The following OR7C1 variants were observed in gnomAD, a reference collection of about 807,000 sequenced individuals.
The protein encoded by OR7C1 is olfactory receptor family 7 subfamily C member 1.
For synonymous variants in OR7C1, 152 were observed against 160.7 expected (o/e 0.95, Z 0.41); for missense variants, 324 against 383.3 (o/e 0.85, Z 1.29).
At position 14,806,264 on chromosome 19, in the gene OR7C1, G is replaced by T. The variant is rs8103004; in HGVS notation, c.-435+3542C>A. Among the ~76,000 whole-genome samples, 264 of 151,944 alleles carry T rather than the reference G, an allele frequency of 1.7e-3. 8 individuals carry two copies. The highest frequency in any genetic ancestry group is 6.2e-3 in the African/African-American group (254 of 41,292). ...TTCAAGAATCTAAAAATGTGTTTTT[G>T]GATTCCTTCAAGGGAATTGGCTGGA... On this transcript the variant is annotated intron_variant, in intron 2 of 4. Coordinates refer to ENST00000641666, the Ensembl canonical transcript of OR7C1.
At chr19:14,818,901 CA>C (rs1001408960) in intron 1 of OR7C1, among the ~76,000 whole-genome samples, 19 of 152,228 alleles carry the variant, frequency 1.2e-4, no homozygotes, top group African/African-American at 4.1e-4. Context: ...TTATTTCACA[CA>C]TTTTTTTCTT....
chr19:14,833,417 T>G (rs1855233025), intron 1 of OR7C1, among the ~76,000 whole-genome samples: 1 of 152,210 alleles, frequency 6.6e-6, no homozygotes, highest in Admixed American at 6.5e-5. Context: ...AAGCGAAGGT[T>G]GCAGTGAGCC....
At chr19:14,816,588 C>T (rs1403409746) in intron 1 of OR7C1, among the ~76,000 whole-genome samples, 1 of 152,162 alleles carries the variant, frequency 6.6e-6, no homozygotes, top group Non-Finnish European at 1.5e-5. Flanking sequence ...GGCCTTCAGC[C>T]GCAGACTGAA....
intron 1 of OR7C1, among the ~76,000 whole-genome samples, chr19:14,833,304 C>T (rs916853399): frequency 8.5e-5 from 13 of 152,202 alleles, no homozygotes; most frequent in African/African-American, 4.8e-5. Context: ...TATGGCGAAA[C>T]GCCATCTCTA....
chr19:14,830,470 G>T (rs973697287), intron 1 of OR7C1, among the ~76,000 whole-genome samples: 3 of 152,128 alleles, frequency 2.0e-5, no homozygotes, highest in Non-Finnish European at 4.4e-5. Context: ...GGAGACAAAG[G>T]CTTGCTGGGG....
chr19:14,817,339 C>T (rs1017259941), intron 1 of OR7C1, among the ~76,000 whole-genome samples: 12 of 152,080 alleles, frequency 7.9e-5, no homozygotes, highest in African/African-American at 2.9e-4. Flanking sequence ...GCATTTAGGT[C>T]GAGTCCATGT....
chr19:14,828,642 C>T (rs2044798788), intron 1 of OR7C1, among the ~76,000 whole-genome samples: 1 of 151,408 alleles, frequency 6.6e-6, no homozygotes, highest in African/African-American at 2.4e-5. Context: ...GCCTGTAGTC[C>T]CAGCTACTTG....
intron 1 of OR7C1, chr19:14,824,500 G>C (rs1487032943): frequency 6.6e-6 from 1 of 152,140 alleles, no homozygotes; most frequent in Admixed American, 6.5e-5. Context: ...TTCTGCATTA[G>C]TTCACTTAGG....
intron 1 of OR7C1, among the ~76,000 whole-genome samples, chr19:14,814,493 G>A (rs1229090645): frequency 6.6e-6 from 1 of 151,818 alleles, no homozygotes; most frequent in Non-Finnish European, 1.5e-5. Context: ...GTGCGATCTC[G>A]GCTCACTGCA....
chr19:14,818,062 T>TTTAATTTA (rs1555695177), intron 1 of OR7C1, among the ~76,000 whole-genome samples: 4 of 139,460 alleles, frequency 2.9e-5, no homozygotes, highest in Admixed American at 7.3e-5. Context: ...ATTTTATTTA[T>TTTAATTTA]TTTATTTATT....
chr19:14,801,925 C>T (rs575304025), intron 2 of OR7C1, among the ~76,000 whole-genome samples: 1 of 152,228 alleles, frequency 6.6e-6, no homozygotes, highest in Non-Finnish European at 1.5e-5. Context: ...GATCCAATCA[C>T]CTCCCACCAG....
rs201956812 is a variant in OR7C1, at chr19:14,827,465, G to C, written c.-623+7609C>G. 1.7e-3 allele frequency: 2,767 copies of C among 1,614,084 alleles called. 55 individuals carry two copies. In the South Asian group the frequency reaches 0.029, roughly 17 times the overall value. On this transcript the variant is annotated intron_variant, in intron 1 of 4. Transcript: ENST00000641666. ...AGTTGCGGGTGGCAGCAGAACTAAG[G>C]TACACCCCTAGGATTGCACCATAAA...
At chr19:14,831,268 A>G (rs986332357) in intron 1 of OR7C1, among the ~76,000 whole-genome samples, 2 of 152,200 alleles carry the variant, frequency 1.3e-5, no homozygotes, top group African/African-American at 4.8e-5. Context: ...AAAAAGAAAC[A>G]TACAAACAAT....
chr19:14,825,021 G>A (rs1347600558), intron 1 of OR7C1: 1 of 152,174 alleles, frequency 6.6e-6, no homozygotes, highest in Non-Finnish European at 1.5e-5. Flanking sequence ...TTGAACTCAG[G>A]AATTTGAGAC....
intron 1 of OR7C1, among the ~76,000 whole-genome samples, chr19:14,815,319 C>A (rs1204269151): frequency 6.6e-6 from 1 of 152,204 alleles, no homozygotes; most frequent in Non-Finnish European, 1.5e-5. Context: ...ATGTTAAAGT[C>A]TCCACTCCAA....
chr19:14,822,424 G>A (rs989558102), intron 1 of OR7C1, among the ~76,000 whole-genome samples: 12 of 115,732 alleles, frequency 1.0e-4, no homozygotes, highest in South Asian at 2.9e-4. Context: ...TCGCTCTGTC[G>A]CCCAGGCTAG....
chr19:14,832,646 C>T (rs1055773130), intron 1 of OR7C1, among the ~76,000 whole-genome samples: 10 of 151,312 alleles, frequency 6.6e-5, no homozygotes, highest in African/African-American at 1.9e-4. Context: ...AGGATGGTCT[C>T]GATCTCCTGA....
rs1333716200 is a variant in OR7C1 at position 14,799,742 on chromosome 19, T to C, written c.395A>G (p.Tyr132Cys). ...GAGCTGGGGGTTCATGATGACCGTA[T>C]AGTGCAGGGGGTGACAGACGGCCAC... Residue 132 changes from tyrosine to cysteine, a missense_variant, in exon 5 of 5, where the codon TAT (tyrosine) becomes TGT (cysteine). By Grantham distance (194) the Tyr-to-Cys change is radical (BLOSUM62 -2). Coordinates refer to ENST00000641666, the Ensembl canonical transcript of OR7C1. The C allele has an allele frequency of 1.9e-6, 3 of 1,613,920 alleles. No homozygotes were observed. The highest frequency in any genetic ancestry group is 2.5e-6 in the Non-Finnish European group (3 of 1,179,994).
At chr19:14,802,579 G>A (rs889426489) in intron 2 of OR7C1, among the ~76,000 whole-genome samples, 1 of 152,146 alleles carries the variant, frequency 6.6e-6, no homozygotes, top group African/African-American at 2.4e-5. Context: ...ATAACACAAG[G>A]AGCTTACCTT....
Sources: gnomAD v4.1 joint callset for allele counts (sites outside exome capture counted in the v4.1 genomes callset) on GRCh38, gnomAD v4.1.1 for gene constraint, MANE v1.5 for transcripts, NCBI Gene and HGNC (gene_info 2026-07-23, HGNC 2026-07-21) for gene names.